ADAM23: variants seen among roughly 807,000 people sequenced by gnomAD.
ADAM23 encodes disintegrin and metalloproteinase domain-containing protein 23.
ADAM23 carries 33 observed loss-of-function variants against 120.1 expected under a neutral mutation model. That is an observed-to-expected ratio of 0.27 (90% confidence interval 0.21 to 0.37). ADAM23 has a LOEUF of 0.37. ADAM23 is among the 10% of genes least tolerant of loss of function. ADAM23 has a pLI of 1.00. For missense variants in ADAM23, 862 were observed against 1,058.2 expected, an observed-to-expected ratio of 0.81 and a Z score of 2.57; for synonymous variants, 367 against 375.2, an observed-to-expected ratio of 0.98 and a Z score of 0.25.
chr2:206,559,879 A>G lies in ADAM23; in HGVS notation c.1006-76A>G, dbSNP rs949181733. 3 of 1,341,000 alleles carry G rather than the reference A, an allele frequency of 2.2e-6. No individual in the cohort carries two copies. In the African/African-American group the frequency reaches 4.3e-5, roughly 19 times the overall value. The allele number at this position is 1,341,000 out of a possible 1,614,324, so 83.1% of individuals were successfully genotyped here. ...CTCACCTCCCCCTTCCTGTCCTTCCACTGACTCTGACTCACTGATCGTGCA... is the reference window on the plus strand; with the variant it reads ...CTCACCTCCCCCTTCCTGTCCTTCCGCTGACTCTGACTCACTGATCGTGCA... On this transcript the variant is annotated intron_variant, in intron 10 of 25. Transcript: ENST00000264377.
chr2:206,584,975 A>G (rs1298590489), intron 18 of ADAM23, among the ~76,000 whole-genome samples: 4 of 152,036 alleles, frequency 2.6e-5, no homozygotes, highest in Non-Finnish European at 5.9e-5. Context: ...GTTCCAGGTA[A>G]AGTCGGAAAC....
chr2:206,487,995 A>C (rs1166809880), intron 3 of ADAM23, among the ~76,000 whole-genome samples: 2 of 152,224 alleles, frequency 1.3e-5, no homozygotes, highest in African/African-American at 2.4e-5. Flanking sequence ...TCTGGGAATC[A>C]GAGGTGTTTG....
intron 25 of ADAM23, among the ~76,000 whole-genome samples, chr2:206,614,067 G>A (rs371870550): frequency 6.6e-4 from 101 of 152,258 alleles, no homozygotes; most frequent in African/African-American, 2.1e-3. Flanking sequence ...TTACTCTCCC[G>A]CTACTTGCCC....
intron 9 of ADAM23, 122 bp from the exon 10 acceptor site, chr2:206,557,305 C>T: frequency 2.4e-6 from 2 of 837,214 alleles, no homozygotes; most frequent in Non-Finnish European, 3.8e-6. Context: ...ATACCACAAA[C>T]TAAATTATAT....
At chr2:206,528,157 A>G (rs958823508) in intron 3 of ADAM23, among the ~76,000 whole-genome samples, 4 of 152,184 alleles carry the variant, frequency 2.6e-5, no homozygotes, top group African/African-American at 7.2e-5. Flanking sequence ...ACCTGTAGAG[A>G]GACACAGTTG....
At chr2:206,503,206 AT>A (rs1290837618) in intron 3 of ADAM23, among the ~76,000 whole-genome samples, 1 of 152,136 alleles carries the variant, frequency 6.6e-6, no homozygotes, top group African/African-American at 2.4e-5. Flanking sequence ...GCAAAGCATG[AT>A]GTTCACTAGA....
intron 3 of ADAM23, among the ~76,000 whole-genome samples, chr2:206,502,281 T>G (rs1233011653): frequency 3.9e-5 from 6 of 152,158 alleles, no homozygotes; most frequent in Admixed American, 3.9e-4. Flanking sequence ...TGATTTTACC[T>G]AAAAACATTT....
intron 2 of ADAM23, among the ~76,000 whole-genome samples, chr2:206,450,590 G>A (rs186605880): frequency 6.6e-6 from 1 of 152,292 alleles, no homozygotes; most frequent in East Asian, 1.9e-4. Flanking sequence ...GATAATTTTG[G>A]TCTTGAGTTT....
chr2:206,562,853 AAGG>A (rs1455183863), intron 13 of ADAM23, among the ~76,000 whole-genome samples: 3 of 152,210 alleles, frequency 2.0e-5, no homozygotes, highest in Non-Finnish European at 4.4e-5. Context: ...CAGGTCCAAA[AAGG>A]AGAACCAATA....
chr2:206,462,169 ACTG>A (rs770990899), intron 2 of ADAM23, among the ~76,000 whole-genome samples: 1 of 152,140 alleles, frequency 6.6e-6, no homozygotes, highest in Non-Finnish European at 1.5e-5. Context: ...GAGGTGAAAA[ACTG>A]ATGACCAATT....
chr2:206,531,020 G>A (rs553435536), intron 4 of ADAM23, 72 bp downstream of exon 4: 17 of 1,256,502 alleles, frequency 1.4e-5, no homozygotes, highest in East Asian at 1.0e-4. Flanking sequence ...TGCACACTGC[G>A]TTGTTTTGAC....
intron 24 of ADAM23, among the ~76,000 whole-genome samples, chr2:206,606,324 G>T (rs1361729927): frequency 2.0e-5 from 3 of 152,032 alleles, no homozygotes; most frequent in South Asian, 2.1e-4. Flanking sequence ...CCTTTTAAAG[G>T]TAATAAAAAT....
At chr2:206,592,327 G>C (rs576947924) in intron 21 of ADAM23, among the ~76,000 whole-genome samples, 1 of 152,252 alleles carries the variant, frequency 6.6e-6, no homozygotes, top group East Asian at 1.9e-4. Context: ...AAGACGAGAA[G>C]GGGGAATGGA....
chr2:206,451,363 C>T (rs1478248308), intron 2 of ADAM23, among the ~76,000 whole-genome samples: 4 of 152,186 alleles, frequency 2.6e-5, no homozygotes, highest in Non-Finnish European at 5.9e-5. Flanking sequence ...CTTCAGCCTC[C>T]CATGTAGCTA....
intron 16 of ADAM23, 56 bp downstream of exon 16, chr2:206,570,867 G>A (rs1453596974): frequency 6.0e-6 from 9 of 1,491,260 alleles, no homozygotes; most frequent in Non-Finnish European, 8.4e-6. Context: ...GTGCAAACAG[G>A]TATAGCATTT....
At chr2:206,561,348 A>G in intron 12 of ADAM23, 136 bp downstream of exon 12, 1 of 743,728 alleles carries the variant, frequency 1.3e-6, no homozygotes, top group East Asian at 2.8e-5. Context: ...TTATTAATAA[A>G]TAGAACCCAA....
intron 3 of ADAM23, among the ~76,000 whole-genome samples, chr2:206,481,646 G>A (rs1021308682): frequency 2.6e-5 from 4 of 152,118 alleles, no homozygotes; most frequent in African/African-American, 7.2e-5. Flanking sequence ...TTTGACTACA[G>A]TCTAGAAATT....
intron 2 of ADAM23, among the ~76,000 whole-genome samples, chr2:206,479,093 G>T (rs962670490): frequency 3.9e-5 from 6 of 152,184 alleles, no homozygotes; most frequent in African/African-American, 1.2e-4. Context: ...GAATGCAAAA[G>T]CAAAAGGAAA....
At chr2:206,608,337 G>C (rs1698767616) in intron 24 of ADAM23, among the ~76,000 whole-genome samples, 1 of 152,148 alleles carries the variant, frequency 6.6e-6, no homozygotes, top group Non-Finnish European at 1.5e-5. Context: ...TTGACTTATA[G>C]GATATGTTTT....
Sources: allele counts gnomAD v4.1 joint callset (sites outside exome capture counted in the v4.1 genomes callset), GRCh38; gene constraint gnomAD v4.1.1; transcripts MANE v1.5; gene names NCBI Gene and HGNC (gene_info 2026-07-23, HGNC 2026-07-21).